Variants in TM9SF4 observed in about 807,000 individuals in gnomAD.
TM9SF4 encodes the protein transmembrane 9 superfamily member 4.
In TM9SF4, 26 loss-of-function variants were observed where a neutral mutation model predicts 90.4. The ratio of observed to expected loss-of-function variants is 0.29; its 90% CI spans 0.21 to 0.40. The LOEUF (loss-of-function observed/expected upper bound fraction) is 0.40. TM9SF4 is among the 10% of genes least tolerant of loss of function. The pLI is 1.00. For synonymous variants in TM9SF4, 293 were observed against 315.4 expected, an observed-to-expected ratio of 0.93 and a Z score of 0.75; for missense variants, 549 against 834.8, an observed-to-expected ratio of 0.66 and a Z score of 4.22.
At chr20:32,121,209 C>A (rs796928327) in intron 1 of TM9SF4, among the ~76,000 whole-genome samples, 11 of 138,298 alleles carry the variant, frequency 8.0e-5, no homozygotes, top group South Asian at 2.3e-4. Context: ...TTTTATTTTT[C>A]TTTTTTTTTT....
chr20:32,151,583 C>A (rs543026562), intron 12 of TM9SF4, among the ~76,000 whole-genome samples: 1 of 152,344 alleles, frequency 6.6e-6, no homozygotes, highest in African/African-American at 2.4e-5. Flanking sequence ...GGCTGCGACG[C>A]TTCTGGCACA....
chr20:32,112,586 C>T (rs1423690685), intron 1 of TM9SF4, among the ~76,000 whole-genome samples: 4 of 150,990 alleles, frequency 2.6e-5, no homozygotes, highest in Non-Finnish European at 4.4e-5. Flanking sequence ...CCCAGCTACT[C>T]GGGAGGCTGA....
chr20:32,154,535 C>A (rs2046889883), intron 12 of TM9SF4, among the ~76,000 whole-genome samples: 1 of 152,186 alleles, frequency 6.6e-6, no homozygotes, highest in African/African-American at 2.4e-5. Flanking sequence ...CTCACTGCAA[C>A]CTTTGCCTCC....
At chr20:32,126,033 G>A (rs771727296) in intron 1 of TM9SF4, among the ~76,000 whole-genome samples, 131 of 150,260 alleles carry the variant, frequency 8.7e-4, no homozygotes, top group Non-Finnish European at 1.3e-3. Flanking sequence ...CGTCTCCAGA[G>A]CAGAAATGTG....
chr20:32,139,218 G>A (rs1294036600), intron 3 of TM9SF4, among the ~76,000 whole-genome samples: 2 of 152,034 alleles, frequency 1.3e-5, no homozygotes, highest in Non-Finnish European at 2.9e-5. Context: ...TACCATCTGT[G>A]GGCCGATAAC....
Position 32,165,539 on chromosome 20 carries a change from C to A in TM9SF4, c.*95C>A. The A allele has an allele frequency of 1.4e-6, 2 of 1,439,158 alleles. No homozygotes were observed. Among genetic ancestry groups the A allele is most frequent in the Non-Finnish European group, 1.9e-6 (2 of 1,042,956 alleles). The allele number at this position is 1,439,158 out of a possible 1,614,324, so 89.1% of individuals were successfully genotyped here. On this transcript the variant is annotated 3_prime_UTR_variant, in exon 18 of 18. Transcript: ENST00000398022. ...CACGCAAAATAAAATAACTCCTGCTCGTTTGGAATGTAACTCCTGGCACAG... is the reference window on the plus strand; with the variant it reads ...CACGCAAAATAAAATAACTCCTGCTAGTTTGGAATGTAACTCCTGGCACAG...
At chr20:32,145,060 C>T (rs1283278080) in intron 6 of TM9SF4, 31 bp from the exon 7 acceptor site, 1 of 1,607,470 alleles carries the variant, frequency 6.2e-7, no homozygotes, top group Non-Finnish European at 8.5e-7. Context: ...CTGGCCACCA[C>T]AGGAACAGAC....
chr20:32,141,949 G>T, intron 5 of TM9SF4, 54 bp downstream of exon 5: 1 of 1,606,474 alleles, frequency 6.2e-7, no homozygotes, highest in South Asian at 1.1e-5. Flanking sequence ...CACGAGTCCT[G>T]AGCACTTGGG....
intron 1 of TM9SF4, among the ~76,000 whole-genome samples, chr20:32,131,981 T>G (rs1002983219): frequency 6.6e-6 from 1 of 152,206 alleles, no homozygotes; most frequent in Non-Finnish European, 1.5e-5. Context: ...GTCAATTAGA[T>G]AAGTCCATGA....
At chr20:32,153,299 C>T (rs542124775) in intron 12 of TM9SF4, among the ~76,000 whole-genome samples, 9 of 152,210 alleles carry the variant, frequency 5.9e-5, no homozygotes, top group Admixed American at 2.6e-4. Flanking sequence ...TGTGCAGGAA[C>T]AGTGACCAGT....
chr20:32,114,007 C>T (rs1406218334), intron 1 of TM9SF4, among the ~76,000 whole-genome samples: 1 of 152,218 alleles, frequency 6.6e-6, no homozygotes, highest in Non-Finnish European at 1.5e-5. Context: ...CTTTTTATGG[C>T]TGAATCTTCC....
At position 32,149,778 on chromosome 20, in the gene TM9SF4, C is replaced by T; in HGVS notation, c.1087+12C>T. On this transcript the variant is annotated intron_variant, in intron 10 of 17. Transcript: ENST00000398022. ...CCTCATCGTCATCTGTGAGTGTGCC[C>T]AGCGGGGCCGGGCATGGGGGCATGG... 6.2e-7 allele frequency: 1 copy of T among 1,613,696 alleles called. No homozygotes were observed. The highest frequency in any genetic ancestry group is 8.5e-7 in the Non-Finnish European group (1 of 1,179,686).
chr20:32,158,017 C>T (rs760716626), intron 14 of TM9SF4, 48 bp downstream of exon 14: 20 of 1,599,712 alleles, frequency 1.3e-5, no homozygotes, highest in East Asian at 6.7e-5. Flanking sequence ...GAAGAGGGTA[C>T]GCCCCCCTCC....
intron 15 of TM9SF4, 114 bp from the exon 16 acceptor site, chr20:32,159,878 G>T: frequency 6.8e-7 from 1 of 1,468,608 alleles, no homozygotes. Flanking sequence ...CAGGCCCACG[G>T]GCCCTGATGG....
At chr20:32,135,928 G>A (rs1437563046) in intron 2 of TM9SF4, 146 bp from the exon 3 acceptor site, 3 of 613,858 alleles carry the variant, frequency 4.9e-6, no homozygotes, top group Non-Finnish European at 8.6e-6. Flanking sequence ...AAATAATTCA[G>A]AATTGTGGGC....
intron 1 of TM9SF4, among the ~76,000 whole-genome samples, chr20:32,122,212 C>G (rs2046327273): frequency 1.1e-5 from 1 of 89,616 alleles, no homozygotes; most frequent in Admixed American, 1.2e-4. Flanking sequence ...GGGGCTGATG[C>G]CCCCACCTCC....
At chr20:32,117,338 A>G (rs2046242053) in intron 1 of TM9SF4, among the ~76,000 whole-genome samples, 1 of 152,160 alleles carries the variant, frequency 6.6e-6, no homozygotes, top group African/African-American at 2.4e-5. Context: ...ACAGGAACCA[A>G]AAAGGCCGTT....
chr20:32,150,959 G>A (rs980738922), intron 12 of TM9SF4, 84 bp downstream of exon 12: 1 of 1,537,718 alleles, frequency 6.5e-7, no homozygotes, highest in Non-Finnish European at 8.9e-7. Context: ...GGCAGGTCCT[G>A]GTGGGGATTT....
chr20:32,132,788 A>G (rs1335379626), intron 1 of TM9SF4, among the ~76,000 whole-genome samples: 2 of 152,194 alleles, frequency 1.3e-5, no homozygotes, highest in African/African-American at 2.4e-5. Flanking sequence ...CCTTTTGCCC[A>G]GATGTTAATT....
Sources: allele counts gnomAD v4.1 joint callset (sites outside exome capture counted in the v4.1 genomes callset), GRCh38; gene constraint gnomAD v4.1.1; transcripts MANE v1.5; gene names NCBI Gene and HGNC (gene_info 2026-07-23, HGNC 2026-07-21).